The following GPHN variants were observed in gnomAD, a reference collection of about 807,000 sequenced individuals.
GPHN encodes gephyrin.
In GPHN, 17 loss-of-function variants were observed where a neutral mutation model predicts 95.5. The observed-to-expected ratio is 0.18, with a 90% CI of 0.12 to 0.27. The LOEUF (loss-of-function observed/expected upper bound fraction) is 0.27. GPHN is among the 10% of genes least tolerant of loss of function. The pLI is 1.00. For missense variants in GPHN, 660 were observed against 978.1 expected, an observed-to-expected ratio of 0.67 and a Z score of 4.34; for synonymous variants, 320 against 322.5, an observed-to-expected ratio of 0.99 and a Z score of 0.08.
At chr14:67,064,489 A>T (rs1265072636) in intron 11 of GPHN, among the ~76,000 whole-genome samples, 1 of 152,012 alleles carries the variant, frequency 6.6e-6, no homozygotes, top group African/African-American at 2.4e-5. Context: ...TATTGATTGG[A>T]ATAGTTTCAG....
intron 8 of GPHN, among the ~76,000 whole-genome samples, chr14:66,937,652 C>T (rs1387265857): frequency 6.6e-6 from 1 of 152,160 alleles, no homozygotes; most frequent in East Asian, 1.9e-4. Context: ...TGCTGGATTA[C>T]AGGCATGAGC....
At chr14:67,163,604 A>G (rs2082089069) in intron 19 of GPHN, among the ~76,000 whole-genome samples, 1 of 152,176 alleles carries the variant, frequency 6.6e-6, no homozygotes, top group Admixed American at 6.5e-5. Flanking sequence ...AGTAGTACAC[A>G]TTAATAATGA....
the GPHN span, among the ~76,000 whole-genome samples, chr14:67,235,882 C>T: frequency 6.6e-6 from 1 of 152,144 alleles, no homozygotes; most frequent in African/African-American, 2.4e-5. Context: ...ATATTAAGCT[C>T]ATGCTTCTTT....
At chr14:67,281,421 A>G in the GPHN span, among the ~76,000 whole-genome samples, 1 of 152,132 alleles carries the variant, frequency 6.6e-6, no homozygotes, top group African/African-American at 2.4e-5. Flanking sequence ...AAAGAATTTT[A>G]TGCTCTTTTT....
chr14:67,581,131 G>T, the GPHN span: 218 of 794,476 alleles, frequency 2.7e-4, no homozygotes, highest in Non-Finnish European at 4.5e-4. Flanking sequence ...TATCCAGACG[G>T]GGGGAGGGAC....
At chr14:66,735,029 T>G (rs1028024865) in intron 2 of GPHN, among the ~76,000 whole-genome samples, 1 of 152,196 alleles carries the variant, frequency 6.6e-6, no homozygotes, top group Non-Finnish European at 1.5e-5. Context: ...GAGTAAGTAA[T>G]TGGAGATCTG....
chr14:66,951,037 G>T (rs966146149), intron 8 of GPHN, among the ~76,000 whole-genome samples: 2 of 152,014 alleles, frequency 1.3e-5, no homozygotes, highest in Non-Finnish European at 2.9e-5. Context: ...CGATTCTCCT[G>T]CCTCAGCCTA....
At chr14:67,123,651 G>A (rs1595248783) in intron 17 of GPHN, among the ~76,000 whole-genome samples, 1 of 152,180 alleles carries the variant, frequency 6.6e-6, no homozygotes, top group East Asian at 1.9e-4. Flanking sequence ...ACCCCAGCCT[G>A]GGAAACAGAG....
At chr14:66,620,665 T>C (rs1209998632) in intron 1 of GPHN, among the ~76,000 whole-genome samples, 1 of 152,172 alleles carries the variant, frequency 6.6e-6, no homozygotes, top group African/African-American at 2.4e-5. Context: ...CATATCAGTC[T>C]ATCTCTGACC....
intron 14 of GPHN, 65 bp downstream of exon 14, chr14:67,110,324 C>T (rs1668463011): frequency 6.3e-7 from 1 of 1,578,006 alleles, no homozygotes; most frequent in South Asian, 1.1e-5. Flanking sequence ...CAACCATTTT[C>T]TGCAGTGTTT....
rs560338031 is a variant in GPHN at position 66,921,046 on chromosome 14, C to T, written c.457-1620C>T. ...CACGATTTTGCAATTATGAATTATGCTGCTATAAACATGTGTGTGCAAGTG... is the reference window on the plus strand; with the variant it reads ...CACGATTTTGCAATTATGAATTATGTTGCTATAAACATGTGTGTGCAAGTG... On this transcript the variant is annotated intron_variant, in intron 6 of 22. Coordinates refer to ENST00000478722, the MANE Select transcript of GPHN (RefSeq NM_020806.5). 5.3e-5 allele frequency among the ~76,000 whole-genome samples: 8 copies of T among 152,238 alleles called. No individual in the cohort carries two copies. In the South Asian group the frequency reaches 8.3e-4, roughly 16 times the overall value.
Position 67,168,970 on chromosome 14 carries a change from T to C in GPHN, c.2013T>C (p.Phe671=). ...PVSAVVTCNL[F]VVPALRKMQG... ...CGGCTGTGGTCACCTGCAATCTCTT[T>C]GTTGTGCCTGCACTGAGGAAAATGC... is the stretch of plus-strand genomic sequence containing the variant. Residue 671 remains phenylalanine, a synonymous_variant, in exon 21 of 23, where the codon TTT becomes TTC. Coordinates refer to ENST00000478722, the MANE Select transcript of GPHN (RefSeq NM_020806.5). 6.2e-7 allele frequency: 1 copy of C among 1,613,536 alleles called. No homozygotes were observed. Among genetic ancestry groups the C allele is most frequent in the Non-Finnish European group, 8.5e-7 (1 of 1,179,404 alleles).
At chr14:67,566,743 T>C in the GPHN span, among the ~76,000 whole-genome samples, 1 of 119,020 alleles carries the variant, frequency 8.4e-6, no homozygotes, top group African/African-American at 3.3e-5. Flanking sequence ...AGCCAGACCC[T>C]GTCTTGAAAA....
At chr14:67,232,199 A>G in the GPHN span, among the ~76,000 whole-genome samples, 23,811 of 151,960 alleles carry the variant, frequency 0.16, 3,524 homozygotes, top group East Asian at 0.42. Flanking sequence ...AACAGCCCAT[A>G]GTTTCTGTCT....
the GPHN span, among the ~76,000 whole-genome samples, chr14:67,510,038 A>G: frequency 4.6e-5 from 7 of 152,280 alleles, no homozygotes; most frequent in Admixed American, 2.6e-4. Context: ...AAAAAAAAAA[A>G]GAATCAGATA....
At chr14:66,713,756 A>ATTTG (rs1045281954) in intron 2 of GPHN, among the ~76,000 whole-genome samples, 3 of 139,254 alleles carry the variant, frequency 2.2e-5, no homozygotes, top group Non-Finnish European at 3.1e-5. Context: ...TTTTTTTTTT[A>ATTTG]TTTGTTTGTT....
intron 7 of GPHN, 133 bp from the exon 8 acceptor site, chr14:66,924,061 A>G (rs1001535945): frequency 1.5e-6 from 1 of 683,976 alleles, no homozygotes; most frequent in Non-Finnish European, 2.7e-6. Context: ...TGATTCTGTC[A>G]TTCTACATTT....
Position 66,681,150 on chromosome 14 carries a change from G to A in GPHN, c.108G>A (p.Gly36=). The A allele has an allele frequency of 2.5e-6, 4 of 1,600,604 alleles. No individual in the cohort carries two copies. In the South Asian group the frequency reaches 3.3e-5, roughly 13 times the overall value. Residue 36 remains glycine (G), a synonymous_variant, in exon 2 of 23, where the codon GGG becomes GGA. Coordinates refer to ENST00000478722, the MANE Select transcript of GPHN (RefSeq NM_020806.5). ...CFRNLAEDRS[G]INLKDLVQDP... ...GGAATCTTGCAGAAGACCGCAGTGG[G>A]ATAAATCTCAAAGATCTCGTACAAG...
chr14:66,538,722 C>G (rs2059231885), intron 1 of GPHN, among the ~76,000 whole-genome samples: 2 of 150,838 alleles, frequency 1.3e-5, no homozygotes, highest in Non-Finnish European at 2.9e-5. Flanking sequence ...TCTCCTAACT[C>G]CACTATCAGT....
Sources: gnomAD v4.1 joint callset for allele counts (sites outside exome capture counted in the v4.1 genomes callset) on GRCh38, gnomAD v4.1.1 for gene constraint, MANE v1.5 for transcripts, NCBI Gene and HGNC (gene_info 2026-07-23, HGNC 2026-07-21) for gene names.